The following AFF2 variants were observed in gnomAD, a reference collection of about 807,000 sequenced individuals.
AFF2 encodes the protein ALF transcription elongation factor 2.
In AFF2, 14 loss-of-function variants were observed where a neutral mutation model predicts 76.9. The ratio of observed to expected loss-of-function variants is 0.18; its 90% CI spans 0.12 to 0.28. The LOEUF is 0.28. Among genes scored for constraint, AFF2 ranks in the 10% least tolerant of loss-of-function variants. AFF2 has a pLI of 1.00. For synonymous variants in AFF2, 398 were observed against 366.7 expected (o/e 1.09, Z -0.98); for missense variants, 868 against 1,001.1 (o/e 0.87, Z 1.79).
At chrX:148,841,761 T>C (rs1300288682) in intron 5 of AFF2, among the ~76,000 whole-genome samples, 3 of 111,905 alleles carry the variant, frequency 2.7e-5, no homozygotes, top group African/African-American at 9.7e-5. Context: ...TGGGAATCAT[T>C]TGAGTCCTTT....
chrX:148,948,945 G>C (rs2071932406), intron 9 of AFF2, among the ~76,000 whole-genome samples: 1 of 111,215 alleles, frequency 9.0e-6, no homozygotes, highest in Admixed American at 9.6e-5. Context: ...TCTGTGGTCA[G>C]CTGTAAGTTT....
chrX:148,690,472 A>G (rs2054639780), intron 3 of AFF2, among the ~76,000 whole-genome samples: 1 of 111,671 alleles, frequency 9.0e-6, no homozygotes, highest in African/African-American at 3.3e-5. Context: ...AGGCCCAAAG[A>G]AGAGAATGAA....
chrX:148,652,375 A>G (rs1188936563), intron 2 of AFF2, among the ~76,000 whole-genome samples: 1 of 111,617 alleles, frequency 9.0e-6, no homozygotes, highest in African/African-American at 3.3e-5. Flanking sequence ...CCTGTCTCCA[A>G]TGAGCCCCTC....
intron 1 of AFF2, among the ~76,000 whole-genome samples, chrX:148,631,102 C>T (rs1557252990): frequency 3.6e-5 from 4 of 111,756 alleles, no homozygotes; most frequent in African/African-American, 1.3e-4. Context: ...TTCATTCTGC[C>T]AGTGCATTTG....
intron 1 of AFF2, among the ~76,000 whole-genome samples, chrX:148,601,078 G>A (rs1031639646): frequency 8.9e-6 from 1 of 112,635 alleles, no homozygotes; most frequent in Non-Finnish European, 1.9e-5. Context: ...CATTCTGAGA[G>A]CGTTTCTTTT....
chrX:148,910,624 C>T (rs981638223), intron 9 of AFF2, among the ~76,000 whole-genome samples: 31 of 111,897 alleles, frequency 2.8e-4, no homozygotes, highest in South Asian at 3.8e-4. Flanking sequence ...TGCTGGTTTG[C>T]GACACTGGTG....
At chrX:148,849,057 T>C (rs149947489) in intron 7 of AFF2, among the ~76,000 whole-genome samples, 21 of 111,298 alleles carry the variant, frequency 1.9e-4, no homozygotes, top group African/African-American at 6.9e-4. Context: ...ATGTTGAGGA[T>C]TGTATATTGG....
intron 9 of AFF2, among the ~76,000 whole-genome samples, chrX:148,920,702 T>C (rs1472085509): frequency 9.0e-6 from 1 of 110,559 alleles, no homozygotes; most frequent in Non-Finnish European, 1.9e-5. Context: ...TTTAAAATTT[T>C]TCTTCTAAGT....
chrX:148,953,129 A>G (rs1374369067), intron 9 of AFF2, among the ~76,000 whole-genome samples: 2 of 111,719 alleles, frequency 1.8e-5, no homozygotes, highest in Non-Finnish European at 3.8e-5. Context: ...TAATAGAACT[A>G]TATACCATAT....
chrX:148,843,562 G>A (rs1476269463), intron 7 of AFF2, 129 bp downstream of exon 7: 1 of 544,658 alleles, frequency 1.8e-6, no homozygotes, highest in African/African-American at 2.4e-5. Context: ...ATAATAATAT[G>A]TAGTTTGGTT....
chrX:148,955,712 T>C lies in AFF2; in HGVS notation c.1667T>C (p.Ile556Thr), dbSNP rs1318098395. ...CGQNETPMET[I>T]SLPPPIIQPM... ...CAAAATGAAACACCCATGGAGACTA[T>C]TTCTCTGCCTCCTCCAATCATCCAA... is the stretch of plus-strand genomic sequence containing the variant. The change falls in exon 11 of 21, where the codon ATT becomes ACT. Residue 556 changes from isoleucine (I) to threonine (T), a missense_variant. Ile to Thr is a moderately conservative substitution (Grantham distance 89, BLOSUM62 -1). Around this residue, in one of 6 missense-constraint regions of AFF2, gnomAD observed 532 missense variants for 564.2 expected, o/e 0.94. Transcript: ENST00000370460. 5 of 1,211,560 alleles carry C rather than the reference T, an allele frequency of 4.1e-6. No individual in the cohort carries two copies. Among genetic ancestry groups the C allele is most frequent in the Non-Finnish European group, 5.6e-6 (5 of 895,429 alleles).
At chrX:148,723,287 A>G (rs1352254207) in intron 3 of AFF2, among the ~76,000 whole-genome samples, 1 of 112,003 alleles carries the variant, frequency 8.9e-6, no homozygotes, top group African/African-American at 3.2e-5. Context: ...TCTGGCAAAA[A>G]TGTAGATCAA....
At chrX:148,755,681 C>G (rs573872129) in intron 3 of AFF2, among the ~76,000 whole-genome samples, 2 of 111,990 alleles carry the variant, frequency 1.8e-5, no homozygotes, top group Admixed American at 9.5e-5. Flanking sequence ...AATTATCATA[C>G]GGTAAAATAT....
intron 3 of AFF2, among the ~76,000 whole-genome samples, chrX:148,709,075 A>G (rs782582051): frequency 8.9e-6 from 1 of 111,898 alleles, no homozygotes; most frequent in East Asian, 2.8e-4. Flanking sequence ...ATTTGTGAAT[A>G]TAATTTTATG....
chrX:148,556,014 A>C (rs782149796), intron 1 of AFF2, among the ~76,000 whole-genome samples: 1 of 112,082 alleles, frequency 8.9e-6, no homozygotes, highest in East Asian at 2.8e-4. Context: ...GTTTATGGCC[A>C]CAGAAACTGT....
In AFF2 at chrX:148,996,863, T is replaced by G. The variant is rs2072607709; in HGVS notation, c.*5531T>G. The G allele has an allele frequency of 8.9e-6, 1 of 112,282 alleles. No homozygotes were observed. The highest frequency in any genetic ancestry group is 9.4e-5 in the Admixed American group (1 of 10,607). 9.3% of individuals were successfully genotyped at this position (112,282 alleles called of 1,213,427 possible). On this transcript the variant is annotated 3_prime_UTR_variant, in exon 21 of 21. Coordinates refer to ENST00000370460, the MANE Select transcript of AFF2 (RefSeq NM_002025.4). ...TTTAAAAAGATAAGTGAGTGTTTTTTATTTTATTATTATTGTCATCATTAT... is the reference window on the plus strand; with the variant it reads ...TTTAAAAAGATAAGTGAGTGTTTTTGATTTTATTATTATTGTCATCATTAT...
At chrX:148,687,217 T>A (rs1018965951) in intron 3 of AFF2, among the ~76,000 whole-genome samples, 2 of 111,976 alleles carry the variant, frequency 1.8e-5, no homozygotes, top group African/African-American at 6.5e-5. Flanking sequence ...TTTCCTTTTT[T>A]AAAAACAACA....
intron 1 of AFF2, among the ~76,000 whole-genome samples, chrX:148,617,646 T>C (rs1212716090): frequency 1.8e-5 from 2 of 112,630 alleles, no homozygotes; most frequent in Non-Finnish European, 3.8e-5. Flanking sequence ...TCCTTGCCCA[T>C]GCAAAGACCC....
At chrX:148,548,329 G>T (rs1368589725) in intron 1 of AFF2, among the ~76,000 whole-genome samples, 2 of 112,409 alleles carry the variant, frequency 1.8e-5, no homozygotes, top group South Asian at 7.4e-4. Context: ...GTTTTGCCAT[G>T]CATAGAGCTC....
Sources: gnomAD v4.1 joint callset for allele counts (sites outside exome capture counted in the v4.1 genomes callset) on GRCh38, gnomAD v4.1.1 for gene constraint, gnomAD v4.1.1 regional missense constraint, MANE v1.5 for transcripts, NCBI Gene and HGNC (gene_info 2026-07-23, HGNC 2026-07-21) for gene names.